Variants in HPN observed in about 807,000 individuals in gnomAD.
The protein encoded by HPN is serine protease hepsin.
A neutral mutation model predicts 55.9 loss-of-function variants in HPN; 13 were observed. That is an observed-to-expected ratio of 0.23 (90% CI 0.15 to 0.37). The LOEUF (loss-of-function observed/expected upper bound fraction) is 0.37, where lower values mean the gene tolerates loss of function less well. Ranked by LOEUF, HPN falls within the 10% of genes least tolerant of loss-of-function variation. The probability of loss-of-function intolerance (pLI) is 1.00; values close to 1 mark genes in which losing one functional copy is unlikely to be tolerated. For synonymous variants in HPN, 225 were observed against 240.3 expected, an observed-to-expected ratio of 0.94 and a Z score of 0.59; for missense variants, 451 against 575.8, an observed-to-expected ratio of 0.78 and a Z score of 2.22.
chr19:35,058,566 A>T (rs919993312), intron 4 of HPN, among the ~76,000 whole-genome samples: 1 of 147,162 alleles, frequency 6.8e-6, no homozygotes, highest in South Asian at 2.1e-4. Context: ...TAATATATTA[A>T]TATTATATTA....
chr19:35,040,560 T>A (rs558981381), upstream of HPN: 4 of 152,788 alleles, frequency 2.6e-5, no homozygotes, highest in East Asian at 7.7e-4. Flanking sequence ...AGCCACTTAG[T>A]GCCTGATCTG....
chr19:35,046,914 T>C (rs2064347569), intron 2 of HPN, among the ~76,000 whole-genome samples: 2 of 151,902 alleles, frequency 1.3e-5, no homozygotes, highest in Admixed American at 6.6e-5. Flanking sequence ...CTGCAAGCTC[T>C]GCCTCCCGGG....
chr19:35,050,620 C>A, intron 4 of HPN: 1 of 920,510 alleles, frequency 1.1e-6, no homozygotes, highest in African/African-American at 1.7e-5. Flanking sequence ...CAAATGCCAA[C>A]TTCAAGCTGC....
At chr19:35,041,034 G>A (rs2064288191), upstream of HPN, among the ~76,000 whole-genome samples, 1 of 152,210 alleles carries the variant, frequency 6.6e-6, no homozygotes, top group South Asian at 2.1e-4. Flanking sequence ...GTCTGACGTG[G>A]GCCGCGCCTG....
intron 9 of HPN, among the ~76,000 whole-genome samples, chr19:35,064,969 G>A (rs181772732): frequency 5.9e-4 from 90 of 152,176 alleles, no homozygotes; most frequent in Middle Eastern, 3.4e-3. Flanking sequence ...TTACAGGTGC[G>A]TGCCACCATG....
In HPN at chr19:35,058,258, C is replaced by A. The variant is rs183205713; in HGVS notation, c.161-1415C>A. Among the ~76,000 whole-genome samples, 497 of 150,458 alleles carry A rather than the reference C, an allele frequency of 3.3e-3. 2 individuals are homozygous for A. Among genetic ancestry groups the A allele is most frequent in the African/African-American group, 0.01 (431 of 41,400 alleles). ...GCAGTGGCACGATCTTGGCTCACTG[C>A]AACCTCTGCTGCCCAGGTTCAAGCA... On this transcript the variant is annotated intron_variant, in intron 4 of 12. Coordinates refer to ENST00000672452, the MANE Select transcript of HPN (RefSeq NM_001384133.1).
chr19:35,056,358 T>C (rs1428648169), intron 4 of HPN, among the ~76,000 whole-genome samples: 1 of 152,212 alleles, frequency 6.6e-6, no homozygotes, highest in South Asian at 2.1e-4. Flanking sequence ...GTCGGGGTTT[T>C]TGTCTGATTT....
chr19:35,050,659 AAG>A (rs1378898108), intron 4 of HPN: 2 of 530,004 alleles, frequency 3.8e-6, no homozygotes, highest in Non-Finnish European at 5.8e-6. Flanking sequence ...AGCAGGAAAA[AAG>A]GGGAAGTTGG....
rs2064307238 is a variant in HPN at position 35,042,792 on chromosome 19, T to TTAG, written c.16+270_16+271insTAG. Among the ~76,000 whole-genome samples, 5 of 152,290 alleles carry TTAG rather than the reference T, an allele frequency of 3.3e-5. No homozygotes were observed. The South Asian group carries it at 1.0e-3, about 32-fold the overall frequency. On this transcript the variant is annotated intron_variant, in intron 2 of 12. Coordinates refer to ENST00000672452, the MANE Select transcript of HPN (RefSeq NM_001384133.1). The stretch of plus-strand genomic sequence containing the variant: ...ATCCCCCAGTGATTTCTCAGCTAAC[T>TTAG]CTGGACTTGTCCTCTGCTGGGGCTG...
rs1404152650 is a variant in HPN at position 35,059,649 on chromosome 19, GC to G, written c.161-20del. On this transcript the variant is annotated intron_variant, in intron 4 of 12. Coordinates refer to ENST00000672452, the MANE Select transcript of HPN (RefSeq NM_001384133.1). ...GGAGCCTGGCTGTGGGACCCAGGCG[GC>G]CCCGGGCCCTGTCGCCCTGCAGTGC... is the stretch of plus-strand genomic sequence containing the variant. 8.9e-6 allele frequency: 14 copies of G among 1,578,266 alleles called. No homozygotes were observed. In the African/African-American group the frequency reaches 1.5e-4, roughly 17 times the overall value.
intron 9 of HPN, among the ~76,000 whole-genome samples, chr19:35,064,149 TCAGCAGG>T (rs10567974): frequency 0.85 from 128,686 of 151,372 alleles, 55,820 homozygotes; most frequent in Non-Finnish European, 0.93. Flanking sequence ...GGTGATGTCA[TCAGCAGG>T]CAGCAGGCAG....
rs375017603 is a variant in HPN, at chr19:35,046,922, G to A, written c.17-2368G>A. 2.7e-3 allele frequency among the ~76,000 whole-genome samples: 411 copies of A among 152,154 alleles called. 2 individuals carry two copies. Among genetic ancestry groups the A allele is most frequent in the African/African-American group, 9.5e-3 (393 of 41,512 alleles). Reference sequence around the variant, plus strand: ...CGGCTCACTGCAAGCTCTGCCTCCCGGGTTCAAGCCATTCTCCTGCCTCAG... The same window carrying A: ...CGGCTCACTGCAAGCTCTGCCTCCCAGGTTCAAGCCATTCTCCTGCCTCAG... On this transcript the variant is annotated intron_variant, in intron 2 of 12. Coordinates refer to ENST00000672452, the MANE Select transcript of HPN (RefSeq NM_001384133.1).
At chr19:35,051,762 AC>A (rs1461625945) in intron 4 of HPN, among the ~76,000 whole-genome samples, 1 of 151,982 alleles carries the variant, frequency 6.6e-6, no homozygotes, top group Admixed American at 6.6e-5. Context: ...GGCAGCCTTT[AC>A]CCAGCAGGCC....
At chr19:35,048,109 A>C (rs2064367303) in intron 2 of HPN, among the ~76,000 whole-genome samples, 1 of 150,444 alleles carries the variant, frequency 6.6e-6, no homozygotes, top group Non-Finnish European at 1.5e-5. Context: ...AAAAGAAAAA[A>C]ACTGAGGCTG....
Position 35,059,819 on chromosome 19 carries a change from G to A in HPN, c.290+17G>A. 6.5e-7 allele frequency: 1 copy of A among 1,544,984 alleles called. No homozygotes were observed. ...CTTCCTCAGGTACTGGGGGCCCTCG[G>A]AGGGGTGGGAGCCGGGAGGGGCTGG... On this transcript the variant is annotated intron_variant, in intron 5 of 12. Coordinates refer to ENST00000672452, the MANE Select transcript of HPN (RefSeq NM_001384133.1).
chr19:35,060,910 C>A (rs948925083), intron 9 of HPN, 93 bp downstream of exon 9: 3 of 1,081,902 alleles, frequency 2.8e-6, no homozygotes, highest in Admixed American at 5.3e-5. Context: ...ACTTATGGCT[C>A]AGGCATCCTT....
chr19:35,066,129 G>A, intron 12 of HPN, 97 bp downstream of exon 12: 2 of 1,612,770 alleles, frequency 1.2e-6, no homozygotes, highest in Non-Finnish European at 1.7e-6. Context: ...CTACGCTCAG[G>A]CCTAGAAGAG....
intron 4 of HPN, among the ~76,000 whole-genome samples, chr19:35,051,900 A>G (rs1212946886): frequency 6.6e-6 from 1 of 152,164 alleles, no homozygotes; most frequent in African/African-American, 2.4e-5. Context: ...CGCCCCTGTC[A>G]AAAGCCCCTC....
At chr19:35,060,842 G>C (rs371446371) in intron 9 of HPN, 25 bp downstream of exon 9, 42 of 1,534,580 alleles carry the variant, frequency 2.7e-5, no homozygotes, top group Non-Finnish European at 3.3e-5. Context: ...TGAGCCATGG[G>C]GCTTGAGGAC....
Sources: allele counts gnomAD v4.1 joint callset (sites outside exome capture counted in the v4.1 genomes callset), GRCh38; gene constraint gnomAD v4.1.1; transcripts MANE v1.5; gene names NCBI Gene and HGNC (gene_info 2026-07-23, HGNC 2026-07-21).